The following TTC8 variants were observed in gnomAD, a reference collection of about 807,000 sequenced individuals.
TTC8 encodes tetratricopeptide repeat domain 8.
TTC8 carries 47 observed loss-of-function variants against 72.5 expected under a neutral mutation model. The observed-to-expected ratio is 0.65, with a 90% CI of 0.51 to 0.83. TTC8 has a LOEUF of 0.83. TTC8 is among the 40% of genes least tolerant of loss of function. The pLI is 0.00. For missense variants in TTC8, 611 were observed against 623.2 expected (o/e 0.98, Z 0.21); for synonymous variants, 199 against 221.4 (o/e 0.90, Z 0.90).
Position 88,839,482 on chromosome 14 carries a change from A to G in TTC8, c.175A>G (p.Thr59Ala), listed in dbSNP as rs1335402056. 3.1e-6 allele frequency: 5 copies of G among 1,613,204 alleles called. No individual in the cohort carries two copies. Among genetic ancestry groups the G allele is most frequent in the South Asian group, 1.1e-5 (1 of 91,050 alleles). Reference sequence around the variant, plus strand: ...TTGGATCTTAAAAGCAAGAGCGCTAACAGAAATGGTATACATAGATGAAAT... The same window carrying G: ...TTGGATCTTAAAAGCAAGAGCGCTAGCAGAAATGGTATACATAGATGAAAT... ...AAWILKARAL[T>A]EMVYIDEIDV... Residue 59 changes from threonine to alanine, a missense_variant, in exon 3 of 15, where the codon ACA becomes GCA. Coordinates refer to ENST00000380656, the MANE Select transcript of TTC8 (RefSeq NM_144596.4).
At chr14:88,865,829 C>G (rs1480629114) in intron 10 of TTC8, among the ~76,000 whole-genome samples, 1 of 151,280 alleles carries the variant, frequency 6.6e-6, no homozygotes, top group East Asian at 2.0e-4. Flanking sequence ...AATTTTAAGT[C>G]TACATTAATA....
chr14:88,869,957 C>T (rs1364455618), intron 10 of TTC8, 102 bp from the exon 11 acceptor site: 1 of 1,227,612 alleles, frequency 8.1e-7, no homozygotes, highest in Non-Finnish European at 1.2e-6. Context: ...GGTAGCCTCT[C>T]AATAAATACT....
At chr14:88,835,548 A>G (rs1262277399) in intron 2 of TTC8, among the ~76,000 whole-genome samples, 3 of 152,216 alleles carry the variant, frequency 2.0e-5, no homozygotes, top group African/African-American at 4.8e-5. Flanking sequence ...AAAAGCATCA[A>G]TTCTTATTTT....
chr14:88,857,120 T>C (rs2094860066), intron 8 of TTC8, 70 bp from the exon 9 acceptor site: 2 of 1,335,270 alleles, frequency 1.5e-6, no homozygotes, highest in African/African-American at 1.4e-5. Flanking sequence ...TTGTCTCTAT[T>C]CATCCTCAGG....
At position 88,853,021 on chromosome 14, in the gene TTC8, G is replaced by A; in HGVS notation, c.675G>A (p.Trp225Ter). Residue 225 changes from tryptophan to a stop codon, truncating the protein, a stop_gained, in exon 8 of 15, where the codon TGG becomes TGA. Transcript: ENST00000380656. LOFTEE classifies it high-confidence loss of function. ...LSTEHSQYKD[W>*]WWKVQIGKCY... ...CAGAACATTCTCAGTACAAGGACTG[G>A]TGGTGGAAAGTACAGATTGGAAAAT... 1 of 1,613,520 alleles carries A rather than the reference G, an allele frequency of 6.2e-7. No homozygotes were observed. The highest frequency in any genetic ancestry group is 8.5e-7 in the Non-Finnish European group (1 of 1,179,604).
chr14:88,841,305 G>A (rs749788289), intron 5 of TTC8, 109 bp downstream of exon 5: 3 of 1,580,898 alleles, frequency 1.9e-6, no homozygotes, highest in Non-Finnish European at 2.6e-6. Context: ...GAATTATATG[G>A]AAGATTTTTG....
At chr14:88,826,073 C>A (rs1200099909) in intron 1 of TTC8, among the ~76,000 whole-genome samples, 3 of 151,912 alleles carry the variant, frequency 2.0e-5, no homozygotes, top group African/African-American at 4.8e-5. Context: ...CTGCAACCTC[C>A]GCCTCCCAGG....
At position 88,834,698 on chromosome 14, in the gene TTC8, AT is replaced by A. The variant is rs372300947; in HGVS notation, c.144+987del. ...ACAAACTGATAGATGGGGCAAAACT[AT>A]TTTTTTTTTTGCATAATATGGGTAC... On this transcript the variant is annotated intron_variant, in intron 2 of 14. Coordinates refer to ENST00000380656, the MANE Select transcript of TTC8 (RefSeq NM_144596.4). Among the ~76,000 whole-genome samples, 651 of 147,266 alleles carry A rather than the reference AT, an allele frequency of 4.4e-3. 3 individuals carry two copies. The highest frequency in any genetic ancestry group is 0.012 in the African/African-American group (493 of 40,424).
chr14:88,853,035 A>G lies in TTC8; in HGVS notation c.689A>G (p.Gln230Arg), dbSNP rs748848090. ...TACAAGGACTGGTGGTGGAAAGTAC[A>G]GATTGGAAAATGTTACTACAGGTAA... Reference protein sequence around the residue: ...SQYKDWWWKVQIGKCYYRLGM... With the variant: ...SQYKDWWWKVRIGKCYYRLGM... The change falls in exon 8 of 15, where the codon CAG (glutamine) becomes CGG (arginine). Residue 230 changes from glutamine to arginine, a missense_variant. Transcript: ENST00000380656. The G allele has an allele frequency of 1.9e-6, 3 of 1,613,246 alleles. No homozygotes were observed. Among genetic ancestry groups the G allele is most frequent in the Non-Finnish European group, 2.5e-6 (3 of 1,179,380 alleles).
Position 88,872,374 on chromosome 14 carries a change from T to A in TTC8, c.1269T>A (p.Ala423=). The A allele has an allele frequency of 6.2e-7, 1 of 1,613,992 alleles. No homozygotes were observed. The highest frequency in any genetic ancestry group is 8.5e-7 in the Non-Finnish European group (1 of 1,179,930). ...TGGCCCATCAGTGCTTCAGGCTGGCTCTGGTCAACAACAACAACCACGCCG... is the reference window on the plus strand; with the variant it reads ...TGGCCCATCAGTGCTTCAGGCTGGCACTGGTCAACAACAACAACCACGCCG... ...TNLAHQCFRL[A]LVNNNNHAEA... Residue 423 remains alanine, a synonymous_variant, in exon 13 of 15, where the codon GCT becomes GCA. Transcript: ENST00000380656.
chr14:88,843,881 A>G (rs2094793937), intron 7 of TTC8, 31 bp downstream of exon 7: 1 of 1,487,414 alleles, frequency 6.7e-7, no homozygotes, highest in Non-Finnish European at 9.3e-7. Context: ...ATTTTCTTTT[A>G]TTGTAATTTT....
At chr14:88,857,772 G>A (rs770540445) in intron 9 of TTC8, among the ~76,000 whole-genome samples, 11 of 152,178 alleles carry the variant, frequency 7.2e-5, no homozygotes, top group Non-Finnish European at 1.5e-4. Flanking sequence ...CCCTGCAAAG[G>A]TGAGTTTTAT....
intron 10 of TTC8, among the ~76,000 whole-genome samples, chr14:88,868,926 G>T (rs1209337854): frequency 6.6e-6 from 1 of 152,174 alleles, no homozygotes; most frequent in Admixed American, 6.5e-5. Context: ...CACAAAGTAT[G>T]CAAAAGAGTG....
At chr14:88,858,754 A>ATTTTTT (rs138871136) in intron 9 of TTC8, among the ~76,000 whole-genome samples, 2 of 86,910 alleles carry the variant, frequency 2.3e-5, no homozygotes, top group Admixed American at 1.5e-4. Context: ...TGCCTGGATA[A>ATTTTTT]TTTTTTTTTT....
intron 3 of TTC8, among the ~76,000 whole-genome samples, chr14:88,839,921 A>G (rs930865836): frequency 2.6e-5 from 4 of 152,236 alleles, no homozygotes; most frequent in African/African-American, 9.6e-5. Context: ...TATTTGAACT[A>G]CTTGTCTAAT....
chr14:88,857,062 T>C (rs1024458472), intron 8 of TTC8, 128 bp from the exon 9 acceptor site: 26 of 818,794 alleles, frequency 3.2e-5, no homozygotes, highest in Non-Finnish European at 5.0e-5. Flanking sequence ...TGTTAATTTA[T>C]GTGTATGTGC....
chr14:88,852,501 A>G (rs902349487), intron 7 of TTC8, among the ~76,000 whole-genome samples: 1 of 152,040 alleles, frequency 6.6e-6, no homozygotes, highest in East Asian at 1.9e-4. Context: ...TCATGATCCC[A>G]TTTTCCAAGC....
intron 8 of TTC8, among the ~76,000 whole-genome samples, chr14:88,854,070 A>T (rs2094845477): frequency 6.6e-6 from 1 of 152,174 alleles, no homozygotes; most frequent in Non-Finnish European, 1.5e-5. Context: ...ATTTCACATA[A>T]AACTCTAAAG....
intron 1 of TTC8, among the ~76,000 whole-genome samples, chr14:88,827,804 C>T (rs982255053): frequency 3.3e-5 from 5 of 152,056 alleles, no homozygotes; most frequent in Admixed American, 2.6e-4. Flanking sequence ...AGTGTTGATG[C>T]AATTAAAGAA....
Sources: allele counts gnomAD v4.1 joint callset (sites outside exome capture counted in the v4.1 genomes callset), GRCh38; gene constraint gnomAD v4.1.1; transcripts MANE v1.5; gene names NCBI Gene and HGNC (gene_info 2026-07-23, HGNC 2026-07-21).